The following CFAP96 variants were observed in gnomAD, a reference collection of about 807,000 sequenced individuals.
CFAP96 encodes cilia and flagella associated protein 96, also known as cilia-and flagella-associated protein 96.
At chr4:185,443,342 A>ATATATTTTTTT in the CFAP96 span, among the ~76,000 whole-genome samples, 59 of 26,716 alleles carry the variant, frequency 2.2e-3, 3 homozygotes, top group East Asian at 0.01. Flanking sequence ...ATATATATAT[A>ATATATTTTTTT]TTTTTTTTTT....
the CFAP96 span, among the ~76,000 whole-genome samples, chr4:185,444,204 C>T: frequency 1.3e-5 from 2 of 151,882 alleles, no homozygotes; most frequent in African/African-American, 2.4e-5. Context: ...CCACCCGCCT[C>T]GGCCTCCCAA....
the CFAP96 span, among the ~76,000 whole-genome samples, chr4:185,410,543 G>A: frequency 6.6e-6 from 1 of 152,178 alleles, no homozygotes; most frequent in Non-Finnish European, 1.5e-5. Context: ...AGCTACTGGG[G>A]AGGCTGAGGC....
the CFAP96 span, among the ~76,000 whole-genome samples, chr4:185,446,533 T>C: frequency 6.6e-6 from 1 of 152,210 alleles, no homozygotes; most frequent in Admixed American, 6.5e-5. Flanking sequence ...TCTGACTGAA[T>C]TATTTTGATC....
chr4:185,418,492 T>A, the CFAP96 span: 2 of 1,612,246 alleles, frequency 1.2e-6, no homozygotes, highest in Non-Finnish European at 1.7e-6. Flanking sequence ...TTTTTATATC[T>A]TCTTCTGGCT....
the CFAP96 span, chr4:185,425,960 G>A: frequency 2.0e-6 from 3 of 1,484,930 alleles, no homozygotes; most frequent in Admixed American, 2.0e-5. Flanking sequence ...GCCCAGGGGC[G>A]GGGCCCGGGC....
the CFAP96 span, among the ~76,000 whole-genome samples, chr4:185,423,549 A>G: frequency 1.7e-5 from 2 of 115,582 alleles, no homozygotes; most frequent in East Asian, 6.7e-4. Context: ...CCTAACTGCC[A>G]ACAATAGATT....
the CFAP96 span, among the ~76,000 whole-genome samples, chr4:185,448,755 C>T: frequency 1.3e-5 from 2 of 152,154 alleles, no homozygotes; most frequent in Non-Finnish European, 2.9e-5. Context: ...ACCACACCCA[C>T]CCTCTGATAG....
the CFAP96 span, among the ~76,000 whole-genome samples, chr4:185,448,108 C>A: frequency 6.6e-6 from 1 of 151,620 alleles, no homozygotes; most frequent in South Asian, 2.1e-4. Flanking sequence ...GCAACCTCTG[C>A]CTCCCAGGTT....
At chr4:185,436,440 G>A in the CFAP96 span, 188 of 1,051,856 alleles carry the variant, frequency 1.8e-4, 1 homozygote, top group African/African-American at 6.8e-4. Flanking sequence ...GGCCGGGCAC[G>A]GTGGCTCACA....
the CFAP96 span, chr4:185,415,914 A>G: frequency 5.5e-6 from 8 of 1,454,832 alleles, no homozygotes; most frequent in Non-Finnish European, 3.7e-6. Flanking sequence ...ATTAAACACT[A>G]AATATAAAGA....
the CFAP96 span, chr4:185,415,984 C>A: frequency 2.5e-6 from 2 of 794,938 alleles, no homozygotes; most frequent in Non-Finnish European, 3.8e-6. Context: ...TAAGACTAGC[C>A]AAGTACAGTA....
the CFAP96 span, among the ~76,000 whole-genome samples, chr4:185,431,588 G>A: frequency 6.6e-6 from 1 of 152,196 alleles, no homozygotes; most frequent in Non-Finnish European, 1.5e-5. Context: ...TTCAATTTGA[G>A]TGTGAAACAC....
the CFAP96 span, chr4:185,445,119 G>A: frequency 6.4e-7 from 1 of 1,551,322 alleles, no homozygotes; most frequent in Non-Finnish European, 8.7e-7. Flanking sequence ...TAATGACTTT[G>A]AATGTCAGAA....
the CFAP96 span, chr4:185,408,578 T>G: frequency 1.2e-6 from 1 of 852,154 alleles, no homozygotes; most frequent in Non-Finnish European, 1.8e-6. Context: ...AGATCTATGG[T>G]TTAACATTAT....
At chr4:185,417,823 C>T in the CFAP96 span, among the ~76,000 whole-genome samples, 2 of 152,112 alleles carry the variant, frequency 1.3e-5, no homozygotes, top group East Asian at 1.9e-4. Flanking sequence ...GCAGGTGGAT[C>T]GCCCGAGGTC....
At chr4:185,418,172 A>C in the CFAP96 span, among the ~76,000 whole-genome samples, 3 of 152,320 alleles carry the variant, frequency 2.0e-5, no homozygotes, top group African/African-American at 7.2e-5. Context: ...GATTTAATTT[A>C]AGTAATTTAT....
At chr4:185,447,014 CCTTCTAT>C in the CFAP96 span, among the ~76,000 whole-genome samples, 2 of 151,894 alleles carry the variant, frequency 1.3e-5, no homozygotes, top group Admixed American at 6.6e-5. Context: ...GTTCATTCTG[CCTTCTAT>C]CTTCTATCAT....
the CFAP96 span, among the ~76,000 whole-genome samples, chr4:185,432,861 T>A: frequency 6.9e-6 from 1 of 145,654 alleles, no homozygotes; most frequent in Non-Finnish European, 1.5e-5. Context: ...AGATCTTGTC[T>A]AAAAAAAAAA....
the CFAP96 span, among the ~76,000 whole-genome samples, chr4:185,426,804 GA>G: frequency 6.8e-6 from 1 of 148,084 alleles, no homozygotes; most frequent in Non-Finnish European, 1.5e-5. Context: ...GGCCAAGGCA[GA>G]CGCATCACCT....
Sources: gnomAD v4.1 joint callset for allele counts (sites outside exome capture counted in the v4.1 genomes callset) on GRCh38, gnomAD v4.1.1 for gene constraint, MANE v1.5 for transcripts, NCBI Gene and HGNC (gene_info 2026-07-23, HGNC 2026-07-21) for gene names.